SYT1: variants seen among roughly 807,000 people sequenced by gnomAD.
SYT1 encodes synaptotagmin-1.
In SYT1, 8 loss-of-function variants were observed where a neutral mutation model predicts 44.8. That is an observed-to-expected ratio of 0.18 (90% CI 0.10 to 0.32). The LOEUF (loss-of-function observed/expected upper bound fraction) is 0.32. SYT1 is among the 10% of genes least tolerant of loss of function. The pLI, the probability that SYT1 is intolerant of heterozygous loss-of-function variation, is 1.00. For synonymous variants in SYT1, 154 were observed against 188.8 expected (o/e 0.82, Z 1.51); for missense variants, 286 against 509.3 (o/e 0.56, Z 4.22).
chr12:79,318,398 A>C (rs921387944), intron 8 of SYT1, among the ~76,000 whole-genome samples: 1 of 152,216 alleles, frequency 6.6e-6, no homozygotes, highest in Non-Finnish European at 1.5e-5. Context: ...CCCTGCTTCC[A>C]GCATCCCTTC....
At chr12:79,416,242 G>A (rs1032912718) in intron 9 of SYT1, among the ~76,000 whole-genome samples, 1 of 152,080 alleles carries the variant, frequency 6.6e-6, no homozygotes, top group Non-Finnish European at 1.5e-5. Flanking sequence ...AATAAGAAAC[G>A]GTGTCACAGT....
intron 1 of SYT1, among the ~76,000 whole-genome samples, chr12:78,932,991 C>T (rs979469858): frequency 1.3e-5 from 2 of 152,016 alleles, no homozygotes; most frequent in African/African-American, 4.8e-5. Context: ...TTAAGACGTC[C>T]AAAAGTATAA....
intron 3 of SYT1, among the ~76,000 whole-genome samples, chr12:79,147,064 C>T (rs1289524989): frequency 6.6e-6 from 1 of 152,160 alleles, no homozygotes; most frequent in Non-Finnish European, 1.5e-5. Flanking sequence ...TGGTCTCGAA[C>T]TCCTCACCTT....
At chr12:79,021,901 T>G (rs996117027) in intron 2 of SYT1, among the ~76,000 whole-genome samples, 7 of 151,338 alleles carry the variant, frequency 4.6e-5, no homozygotes, top group Non-Finnish European at 1.0e-4. Context: ...GTACGCCCCC[T>G]TTTTTTTGAA....
At chr12:78,910,064 T>C (rs1174385086) in intron 1 of SYT1, among the ~76,000 whole-genome samples, 1 of 151,940 alleles carries the variant, frequency 6.6e-6, no homozygotes, top group African/African-American at 2.4e-5. Flanking sequence ...TTCATGTACA[T>C]CCAAGAATCA....
chr12:79,249,366 A>C (rs1461111363), intron 4 of SYT1, among the ~76,000 whole-genome samples: 1 of 150,038 alleles, frequency 6.7e-6, no homozygotes. Flanking sequence ...GGCCTCCCAA[A>C]GTGCTGGGAT....
chr12:79,164,924 T>A (rs1251671525), intron 3 of SYT1, among the ~76,000 whole-genome samples: 1 of 152,020 alleles, frequency 6.6e-6, no homozygotes, highest in Non-Finnish European at 1.5e-5. Context: ...AAGGCAAATA[T>A]CTAGAGAGGT....
chr12:79,241,196 G>T (rs1464693375), intron 4 of SYT1, among the ~76,000 whole-genome samples: 1 of 151,838 alleles, frequency 6.6e-6, no homozygotes, highest in Non-Finnish European at 1.5e-5. Flanking sequence ...AAAACAAATG[G>T]TAAGTAAAAT....
chr12:79,122,871 C>A (rs1402608478), intron 3 of SYT1, among the ~76,000 whole-genome samples: 1 of 152,154 alleles, frequency 6.6e-6, no homozygotes, highest in East Asian at 1.9e-4. Context: ...AACTGTTCAT[C>A]CAACTTGCTC....
intron 2 of SYT1, among the ~76,000 whole-genome samples, chr12:79,039,864 T>C (rs1873415403): frequency 7.1e-6 from 1 of 141,734 alleles, no homozygotes; most frequent in Admixed American, 7.3e-5. Context: ...TGAGTGAGAA[T>C]ATGCGGTGTT....
intron 8 of SYT1, among the ~76,000 whole-genome samples, chr12:79,307,608 G>C (rs1190993620): frequency 6.8e-6 from 1 of 147,842 alleles, no homozygotes; most frequent in Non-Finnish European, 1.5e-5. Flanking sequence ...GGGATGGTCG[G>C]AAGGGCTGGG....
chr12:78,888,768 G>A lies in SYT1; in HGVS notation c.-217+23659G>A, dbSNP rs577817376. ...GTCATGGTTCATCAGGAAACCAAGGGTGCGATTTGCATTCAAGCAAATCCT... is the reference window on the plus strand; with the variant it reads ...GTCATGGTTCATCAGGAAACCAAGGATGCGATTTGCATTCAAGCAAATCCT... On this transcript the variant is annotated intron_variant, in intron 1 of 10. Transcript: ENST00000261205. Among the ~76,000 whole-genome samples, 218 of 151,868 alleles carry A rather than the reference G, an allele frequency of 1.4e-3. 4 individuals carry two copies. The highest frequency in any genetic ancestry group is 0.014 in the Admixed American group (210 of 15,206).
chr12:78,912,583 T>A (rs1444976168), intron 1 of SYT1, among the ~76,000 whole-genome samples: 1 of 151,900 alleles, frequency 6.6e-6, no homozygotes. Flanking sequence ...ATGAAAATCA[T>A]TATGTAATGG....
chr12:79,350,416 C>T (rs867215018), intron 8 of SYT1, among the ~76,000 whole-genome samples: 33 of 151,996 alleles, frequency 2.2e-4, no homozygotes, highest in African/African-American at 7.7e-4. Flanking sequence ...CCATGCCCGG[C>T]TAATTTTTTC....
rs752964530 is a variant in SYT1 at position 79,449,083 on chromosome 12, G to T, written c.1228G>T (p.Val410Leu). 1 of 1,613,984 alleles carries T rather than the reference G, an allele frequency of 6.2e-7. No individual in the cohort carries two copies. The highest frequency in any genetic ancestry group is 8.5e-7 in the Non-Finnish European group (1 of 1,179,932). Residue 410 changes from valine (V) to leucine (L), a missense_variant, in exon 11 of 11, where the codon GTA becomes TTA. By Grantham distance (32) the Val-to-Leu change is conservative. Coordinates refer to ENST00000261205, the MANE Select transcript of SYT1 (RefSeq NM_005639.3). ...RPIAQWHTLQVEEEVDAMLAV... is the reference protein window; with the variant it reads ...RPIAQWHTLQLEEEVDAMLAV... ...TATTGCCCAGTGGCACACCCTGCAG[G>T]TAGAGGAGGAAGTTGATGCCATGCT...
At chr12:79,428,025 G>A (rs987488173) in intron 9 of SYT1, among the ~76,000 whole-genome samples, 1 of 152,154 alleles carries the variant, frequency 6.6e-6, no homozygotes, top group African/African-American at 2.4e-5. Context: ...AAAGTCACAG[G>A]ACTTCTGTGA....
chr12:78,942,793 C>T (rs1380223793), intron 1 of SYT1, among the ~76,000 whole-genome samples: 1 of 152,152 alleles, frequency 6.6e-6, no homozygotes, highest in Non-Finnish European at 1.5e-5. Context: ...TCCTGTACTT[C>T]CAGGCTGAGC....
intron 9 of SYT1, among the ~76,000 whole-genome samples, chr12:79,377,824 G>A (rs541352414): frequency 6.6e-6 from 1 of 152,324 alleles, no homozygotes; most frequent in South Asian, 2.1e-4. Context: ...GAAGAGAGGA[G>A]AGCATGGGCT....
At chr12:79,110,671 A>G (rs1303240905) in intron 3 of SYT1, among the ~76,000 whole-genome samples, 1 of 152,094 alleles carries the variant, frequency 6.6e-6, no homozygotes, top group Non-Finnish European at 1.5e-5. Flanking sequence ...GAACCAATAC[A>G]TTTTTTAAAA....
Sources: allele counts gnomAD v4.1 joint callset (sites outside exome capture counted in the v4.1 genomes callset), GRCh38; gene constraint gnomAD v4.1.1; transcripts MANE v1.5; gene names NCBI Gene and HGNC (gene_info 2026-07-23, HGNC 2026-07-21).